LRRC3B: variants seen among roughly 807,000 people sequenced by gnomAD.
LRRC3B encodes the protein leucine-rich repeat-containing protein 3B.
In LRRC3B, 2 loss-of-function variants were observed where a neutral mutation model predicts 12.8. The observed-to-expected ratio is 0.16, with a 90% CI of 0.06 to 0.49. The LOEUF (loss-of-function observed/expected upper bound fraction) is 0.49. Ranked by LOEUF, LRRC3B falls within the 20% of genes least tolerant of loss-of-function variation. LRRC3B has a pLI of 0.96. For synonymous variants in LRRC3B, 132 were observed against 122.0 expected (o/e 1.08, Z -0.54); for missense variants, 189 against 319.4 (o/e 0.59, Z 3.11).
chr3:26,638,744 C>A (rs753450521), intron 1 of LRRC3B, among the ~76,000 whole-genome samples: 1 of 152,150 alleles, frequency 6.6e-6, no homozygotes, highest in African/African-American at 2.4e-5. Context: ...CTCTGAGAAC[C>A]AGTGGTATAA....
intron 1 of LRRC3B, among the ~76,000 whole-genome samples, chr3:26,677,600 C>T (rs1409840792): frequency 6.6e-6 from 1 of 152,198 alleles, no homozygotes; most frequent in South Asian, 2.1e-4. Context: ...GTGCTAATGG[C>T]ATAGACCTTC....
intron 1 of LRRC3B, among the ~76,000 whole-genome samples, chr3:26,663,496 G>A (rs1356042391): frequency 6.6e-6 from 1 of 152,040 alleles, no homozygotes; most frequent in Non-Finnish European, 1.5e-5. Flanking sequence ...TTAACTGAAA[G>A]GGCATATTTA....
intron 1 of LRRC3B, among the ~76,000 whole-genome samples, chr3:26,647,279 C>T (rs1430751885): frequency 6.6e-6 from 1 of 152,066 alleles, no homozygotes; most frequent in East Asian, 1.9e-4. Context: ...ACTATCTTAA[C>T]GGTTTTGATG....
chr3:26,705,172 TA>T (rs1700555152), intron 1 of LRRC3B, among the ~76,000 whole-genome samples: 1 of 152,212 alleles, frequency 6.6e-6, no homozygotes, highest in African/African-American at 2.4e-5. Context: ...AACACCCTGT[TA>T]AATGCACTGG....
At chr3:26,679,556 C>T (rs1457515916) in intron 1 of LRRC3B, among the ~76,000 whole-genome samples, 1 of 152,220 alleles carries the variant, frequency 6.6e-6, no homozygotes, top group African/African-American at 2.4e-5. Context: ...GTTCTCTGTT[C>T]AAGTGTTACC....
chr3:26,635,483 G>T (rs1698848971), intron 1 of LRRC3B, among the ~76,000 whole-genome samples: 1 of 152,148 alleles, frequency 6.6e-6, no homozygotes, highest in African/African-American at 2.4e-5. Context: ...ACAACAGAAA[G>T]CATGCTTCCT....
chr3:26,696,734 TAAACATC>T (rs765065511), intron 1 of LRRC3B, among the ~76,000 whole-genome samples: 10 of 152,172 alleles, frequency 6.6e-5, no homozygotes, highest in Non-Finnish European at 1.2e-4. Context: ...TGACCTCTAG[TAAACATC>T]ATCCCTAGAT....
chr3:26,646,250 A>G (rs1010084985), intron 1 of LRRC3B, among the ~76,000 whole-genome samples: 3 of 152,222 alleles, frequency 2.0e-5, no homozygotes, highest in Admixed American at 2.0e-4. Flanking sequence ...GCGATTTTCA[A>G]TAATGCCACA....
intron 1 of LRRC3B, among the ~76,000 whole-genome samples, chr3:26,692,055 A>G (rs969690878): frequency 1.3e-5 from 2 of 152,260 alleles, no homozygotes; most frequent in African/African-American, 4.8e-5. Context: ...ACTATATGCC[A>G]CACAGGCTCT....
chr3:26,709,897 G>A, exon 2 of LRRC3B: 2 of 1,614,048 alleles, frequency 1.2e-6, no homozygotes, highest in South Asian at 2.2e-5. Flanking sequence ...ACTCCAATCA[G>A]ATCACATCTA....
At chr3:26,684,863 G>A (rs1038596135) in intron 1 of LRRC3B, among the ~76,000 whole-genome samples, 1 of 152,226 alleles carries the variant, frequency 6.6e-6, no homozygotes, top group Non-Finnish European at 1.5e-5. Context: ...AGATCCCTGA[G>A]TTCACCAGTA....
chr3:26,703,061 A>G lies in LRRC3B; in HGVS notation c.-160-6452A>G, dbSNP rs560839210. On this transcript the variant is annotated intron_variant, in intron 1 of 1. Coordinates refer to ENST00000396641, the Ensembl canonical transcript of LRRC3B. ...GTGAATGAAGAAGTTATTATCTCCA[A>G]ACATGATCCCAAAGACCAGCAGTGG... 5.3e-5 allele frequency among the ~76,000 whole-genome samples: 8 copies of G among 152,262 alleles called. No individual in the cohort carries two copies. In the East Asian group the frequency reaches 1.4e-3, roughly 26 times the overall value.
intron 1 of LRRC3B, among the ~76,000 whole-genome samples, chr3:26,705,966 G>T (rs1157086766): frequency 6.6e-6 from 1 of 152,104 alleles, no homozygotes; most frequent in South Asian, 2.1e-4. Context: ...TGGCTTTGCT[G>T]TCTACATCCT....
At chr3:26,658,882 A>G (rs1448872533) in intron 1 of LRRC3B, among the ~76,000 whole-genome samples, 1 of 152,232 alleles carries the variant, frequency 6.6e-6, no homozygotes, top group Non-Finnish European at 1.5e-5. Context: ...CATGACTGCA[A>G]CAAATTACCT....
intron 1 of LRRC3B, among the ~76,000 whole-genome samples, chr3:26,649,355 CCT>C (rs200516343): frequency 0.038 from 5,782 of 152,180 alleles, 134 homozygotes; most frequent in South Asian, 0.048. Flanking sequence ...GAATTATTTG[CCT>C]CTCTGGTTTC....
chr3:26,666,555 AT>A lies in LRRC3B; in HGVS notation c.-160-42956del, dbSNP rs541176997. ...ATAGATACTGCTATTTTTAAATGAAATTAGAAATTTAGAATAGTTTTAGTTG... is the reference window on the plus strand; with the variant it reads ...ATAGATACTGCTATTTTTAAATGAAATAGAAATTTAGAATAGTTTTAGTTG... On this transcript the variant is annotated intron_variant, in intron 1 of 1. Transcript: ENST00000396641. Among the ~76,000 whole-genome samples, 469 of 152,274 alleles carry A rather than the reference AT, an allele frequency of 3.1e-3. 4 individuals are homozygous for A. The highest frequency in any genetic ancestry group is 0.011 in the African/African-American group (453 of 41,554).
At chr3:26,625,750 A>G (rs186444744) in intron 1 of LRRC3B, among the ~76,000 whole-genome samples, 25 of 152,298 alleles carry the variant, frequency 1.6e-4, no homozygotes, top group African/African-American at 5.1e-4. Flanking sequence ...TAATGTAACA[A>G]TCAGTGCTAG....
chr3:26,697,266 C>T (rs947935380), intron 1 of LRRC3B, among the ~76,000 whole-genome samples: 2 of 152,174 alleles, frequency 1.3e-5, no homozygotes, highest in African/African-American at 2.4e-5. Flanking sequence ...GGTATGGCCA[C>T]ACTAACTCCA....
intron 1 of LRRC3B, among the ~76,000 whole-genome samples, chr3:26,661,403 T>C (rs868399609): frequency 6.6e-6 from 1 of 152,128 alleles, no homozygotes; most frequent in African/African-American, 2.4e-5. Context: ...CCACACAAAA[T>C]CTTCTTCCTC....
Sources: allele counts gnomAD v4.1 joint callset (sites outside exome capture counted in the v4.1 genomes callset), GRCh38; gene constraint gnomAD v4.1.1; transcripts MANE v1.5; gene names NCBI Gene and HGNC (gene_info 2026-07-23, HGNC 2026-07-21).